MKI67: variants seen among roughly 807,000 people sequenced by gnomAD.
The protein encoded by MKI67 is marker of proliferation Ki-67.
In MKI67, 152 loss-of-function variants were observed where a neutral mutation model predicts 233.5. The observed-to-expected ratio is 0.65, with a 90% confidence interval of 0.57 to 0.74. MKI67 has a LOEUF of 0.74. MKI67 is among the 30% of genes least tolerant of loss of function. MKI67 has a pLI of 0.00. For synonymous variants in MKI67, 1,465 were observed against 1,418.5 expected, an observed-to-expected ratio of 1.03 and a Z score of -0.74; for missense variants, 3,940 against 3,885.2, an observed-to-expected ratio of 1.01 and a Z score of -0.37.
intron 4 of MKI67, among the ~76,000 whole-genome samples, chr10:128,121,561 A>G (rs2782862): frequency 0.24 from 29,085 of 122,398 alleles, 3,476 homozygotes; most frequent in Admixed American, 0.32. Context: ...ATGATTATAT[A>G]TAATATATTA....
rs770959543 is a variant in MKI67 at position 128,105,859 on chromosome 10, C to G, written c.5981G>C (p.Ser1994Thr). The G allele has an allele frequency of 1.9e-6, 3 of 1,613,860 alleles. No homozygotes were observed. The highest frequency in any genetic ancestry group is 1.7e-5 in the Admixed American group (1 of 59,974). Reference sequence around the variant, plus strand: ...GGATATCTTGAGTCGTTGCTTGGAGCTTGTTGGGGTTTTGACTGGGTCTGG... The same window carrying G: ...GGATATCTTGAGTCGTTGCTTGGAGGTTGTTGGGGTTTTGACTGGGTCTGG... ...PQPDPVKTPT[S>T]SKQRLKISLG... Residue 1994 changes from serine to threonine, a missense_variant, in exon 13 of 15, where the codon AGC becomes ACC. Physicochemically the swap from Ser to Thr is moderately conservative, Grantham distance 58. Transcript: ENST00000368654.
intron 4 of MKI67, among the ~76,000 whole-genome samples, chr10:128,122,312 C>T (rs1378540219): frequency 6.6e-6 from 1 of 152,110 alleles, no homozygotes; most frequent in East Asian, 1.9e-4. Context: ...CACGTGTTCC[C>T]TAATCTCCAC....
chr10:128,109,026 T>G lies in MKI67; in HGVS notation c.2814A>C (p.Leu938Phe). 1 of 1,614,220 alleles carries G rather than the reference T, an allele frequency of 6.2e-7. No individual in the cohort carries two copies. Residue 938 changes from leucine to phenylalanine, a missense_variant, in exon 13 of 15, where the codon TTA becomes TTC. Transcript: ENST00000368654. ...CTTTCATCTTTTCATCGTTTTCTTT[T>G]AATTCAATATTTTCCTTATATGTCT... ...PFETYKENIE[L>F]KENDEKMKAM... is the part of the protein sequence containing the mutation.
At position 128,108,266 on chromosome 10, in the gene MKI67, C is replaced by T; in HGVS notation, c.3574G>A (p.Gly1192Arg). 6.2e-7 allele frequency: 1 copy of T among 1,613,766 alleles called. No individual in the cohort carries two copies. The highest frequency in any genetic ancestry group is 8.5e-7 in the Non-Finnish European group (1 of 1,179,960). The change falls in exon 13 of 15, where the codon GGA (glycine) becomes AGA (arginine). Residue 1192 changes from glycine (G) to arginine (R), a missense_variant. Physicochemically the swap from Gly to Arg is moderately radical, Grantham distance 125. Coordinates refer to ENST00000368654, the MANE Select transcript of MKI67 (RefSeq NM_002417.5). ...GDEKDIKAFM[G>R]TPVQKLDLAG... Reference sequence around the variant, plus strand: ...AGGTCCAGTTTCTGCACTGGAGTTCCCATAAATGCTTTAATGTCTTTCTCA... The same window carrying T: ...AGGTCCAGTTTCTGCACTGGAGTTCTCATAAATGCTTTAATGTCTTTCTCA...
rs1314120871 is a variant in MKI67, at chr10:128,108,872, C to T, written c.2968G>A (p.Asp990Asn). 1 of 1,614,156 alleles carries T rather than the reference C, an allele frequency of 6.2e-7. No homozygotes were observed. The highest frequency in any genetic ancestry group is 8.5e-7 in the Non-Finnish European group (1 of 1,180,046). ...TCACTCTTTGGTGCCTTGGCATGAT[C>T]TTGGGTTTGGAGGAGATTCTGGCCA... ...ARGQNLLQTQDHAKAPKSEKG... is the reference protein window; with the variant it reads ...ARGQNLLQTQNHAKAPKSEKG... The change falls in exon 13 of 15, where the codon GAT becomes AAT. Residue 990 changes from aspartate (D) to asparagine (N), a missense_variant. Physicochemically the swap from Asp to Asn is conservative, Grantham distance 23. Transcript: ENST00000368654.
chr10:128,121,539 T>TA (rs1852945998), intron 4 of MKI67, among the ~76,000 whole-genome samples: 2 of 80,766 alleles, frequency 2.5e-5, no homozygotes, highest in African/African-American at 9.7e-5. Flanking sequence ...ATATATTATA[T>TA]TATAATTATA....
Position 128,109,064 on chromosome 10 carries a change from C to T in MKI67, c.2776G>A (p.Glu926Lys). 6.2e-7 allele frequency: 1 copy of T among 1,614,160 alleles called. No individual in the cohort carries two copies. Among genetic ancestry groups the T allele is most frequent in the Non-Finnish European group, 8.5e-7 (1 of 1,180,016 alleles). ...TCCTTATATGTCTCAAAAGGTCTTT[C>T]TATTTCCTTCATCTCTCCTTCTCTC... Reference protein sequence around the residue: ...QRREGEMKEIERPFETYKENI... With the variant: ...QRREGEMKEIKRPFETYKENI... Residue 926 changes from glutamate (E) to lysine (K), a missense_variant, in exon 13 of 15, where the codon GAA becomes AAA. Glu to Lys is a moderately conservative substitution (Grantham distance 56, BLOSUM62 1). Transcript: ENST00000368654.
In MKI67 at chr10:128,109,218, C is replaced by A; in HGVS notation, c.2622G>T (p.Arg874Ser). ...EPSKTVSTAN[R>S]SGRSTEFRNI... is the part of the protein sequence containing the mutation. ...TCCTGAACTCTGTAGACCTTCCTGA[C>A]CTGTTTGCAGTGGATACTGTTTTTG... The change falls in exon 13 of 15, where the codon AGG (arginine) becomes AGT (serine). Residue 874 changes from arginine (R) to serine (S), a missense_variant. Arg to Ser is a moderately radical substitution (Grantham distance 110). Coordinates refer to ENST00000368654, the MANE Select transcript of MKI67 (RefSeq NM_002417.5). The A allele has an allele frequency of 6.2e-7, 1 of 1,614,156 alleles. No homozygotes were observed. The highest frequency in any genetic ancestry group is 8.5e-7 in the Non-Finnish European group (1 of 1,180,028).
Position 128,115,421 on chromosome 10 carries a change from G to A in MKI67, c.987C>T (p.Pro329=). 1 of 1,614,046 alleles carries A rather than the reference G, an allele frequency of 6.2e-7. No individual in the cohort carries two copies. The change falls in exon 7 of 15, where the codon CCC becomes CCT. Residue 329 remains proline (P), a synonymous_variant. Transcript: ENST00000368654. ...GAAAGCTGGCGCCCACAGCCTTGCT[G>A]GGAGTCTGAACAGACTCCACGTCTC... ...KGRDVESVQT[P]SKAVGASFPL...
chr10:128,113,763 T>A (rs1406314080), intron 7 of MKI67, among the ~76,000 whole-genome samples, 161 bp from the exon 8 acceptor site: 2 of 152,226 alleles, frequency 1.3e-5, no homozygotes, highest in African/African-American at 4.8e-5. Flanking sequence ...GCTAAGCTAC[T>A]AAGAGTTCCT....
chr10:128,118,691 C>T (rs1471360475), intron 5 of MKI67, among the ~76,000 whole-genome samples: 3 of 152,146 alleles, frequency 2.0e-5, no homozygotes, highest in East Asian at 1.9e-4. Context: ...AAGCACGTGT[C>T]GACAATTATG....
Position 128,103,884 on chromosome 10 carries a change from CT to C in MKI67, c.7955del (p.Lys2652ArgfsTer6). On this transcript the variant is annotated frameshift_variant, in exon 13 of 15. Coordinates refer to ENST00000368654, the MANE Select transcript of MKI67 (RefSeq NM_002417.5). LOFTEE classifies it high-confidence loss of function. ...GTTCCTCTTCTACTGGGTTTGGTTT[CT>C]TCTTTGCACGTTGCTTCAATACTTT... ...GIKVLKQRAK[K>X]KPNPVEEEPS... The C allele has an allele frequency of 1.9e-6, 3 of 1,613,876 alleles. No individual in the cohort carries two copies. The highest frequency in any genetic ancestry group is 2.5e-6 in the Non-Finnish European group (3 of 1,179,978).
chr10:128,123,581 T>G (rs1339350745), intron 2 of MKI67, among the ~76,000 whole-genome samples: 1 of 152,232 alleles, frequency 6.6e-6, no homozygotes, highest in East Asian at 1.9e-4. Context: ...TGTGCTTATT[T>G]GATGCTAGCA....
In MKI67 at chr10:128,107,777, T is replaced by C; in HGVS notation, c.4063A>G (p.Thr1355Ala). 1 of 1,613,900 alleles carries C rather than the reference T, an allele frequency of 6.2e-7. No homozygotes were observed. The change falls in exon 13 of 15, where the codon ACC becomes GCC. Residue 1355 changes from threonine to alanine, a missense_variant. Physicochemically the swap from Thr to Ala is moderately conservative, Grantham distance 58. Transcript: ENST00000368654. ...ACTGCTTCTTCAGTATGACCAGGGG[T>C]CTGGAAGAGCTCTTTAAAGCCAGTC... ...DLTGFKELFQTPGHTEEAVAA... is the reference protein window; with the variant it reads ...DLTGFKELFQAPGHTEEAVAA...
Position 128,114,789 on chromosome 10 carries a change from G to A in MKI67, c.1480+139C>T, listed in dbSNP as rs1213248437. The A allele has an allele frequency of 3.8e-5, 30 of 783,724 alleles. 1 individual carries two copies. Among genetic ancestry groups the A allele is most frequent in the South Asian group, 3.0e-4 (14 of 45,994 alleles). 48.5% of individuals were successfully genotyped at this position (783,724 alleles called of 1,614,324 possible). A position where few individuals can be genotyped will look rare whatever the true frequency, so the allele number is the denominator to read the frequency against. ...TCATCTATTAGCGAAAACAGCGTGC[G>A]TGTCTGTCTTATCCCTGTGCCTTAT... On this transcript the variant is annotated intron_variant, in intron 7 of 14. Coordinates refer to ENST00000368654, the MANE Select transcript of MKI67 (RefSeq NM_002417.5).
chr10:128,116,418 C>T, intron 6 of MKI67, 73 bp downstream of exon 6: 2 of 1,342,280 alleles, frequency 1.5e-6, no homozygotes, highest in South Asian at 1.2e-5. Context: ...TTCTTGTTGC[C>T]CCTTCTTTGC....
intron 3 of MKI67, 26 bp from the exon 4 acceptor site, chr10:128,123,022 T>C (rs1852984029): frequency 1.3e-6 from 2 of 1,570,276 alleles, no homozygotes; most frequent in Non-Finnish European, 8.8e-7. Flanking sequence ...AGGGGAAATA[T>C]GTAACTAATG....
Position 128,104,504 on chromosome 10 carries a change from T to A in MKI67, c.7336A>T (p.Thr2446Ser), listed in dbSNP as rs1204890980. Residue 2446 changes from threonine to serine, a missense_variant, in exon 13 of 15, where the codon ACA becomes TCA. Transcript: ENST00000368654. ...ATTGATTCCTCAGTGTGACCTGGTG[T>A]CTGGAAGAGTTCTTTGAAGCCAACC... ...DLVGFKELFQ[T>S]PGHTEESMTD... 1.9e-6 allele frequency: 3 copies of A among 1,613,936 alleles called. No homozygotes were observed. Among genetic ancestry groups the A allele is most frequent in the Non-Finnish European group, 2.5e-6 (3 of 1,180,012 alleles).
At position 128,106,310 on chromosome 10, in the gene MKI67, T is replaced by A; in HGVS notation, c.5530A>T (p.Thr1844Ser). The A allele has an allele frequency of 6.2e-7, 1 of 1,613,454 alleles. No homozygotes were observed. The highest frequency in any genetic ancestry group is 8.5e-7 in the Non-Finnish European group (1 of 1,179,930). The change falls in exon 13 of 15, where the codon ACT (threonine) becomes TCT (serine). Residue 1844 changes from threonine to serine, a missense_variant. By Grantham distance (58) the Thr-to-Ser change is moderately conservative (BLOSUM62 1). Coordinates refer to ENST00000368654, the MANE Select transcript of MKI67 (RefSeq NM_002417.5). ...GFRELFQTPC[T>S]DNPTTDEKTT... Reference sequence around the variant, plus strand: ...TTCTCATCAGTCGTGGGGTTATCAGTGCATGGTGTCTGGAAAAGCTCTCTG... The same window carrying A: ...TTCTCATCAGTCGTGGGGTTATCAGAGCATGGTGTCTGGAAAAGCTCTCTG...
Sources: gnomAD v4.1 joint callset for allele counts (sites outside exome capture counted in the v4.1 genomes callset) on GRCh38, gnomAD v4.1.1 for gene constraint, MANE v1.5 for transcripts, NCBI Gene and HGNC (gene_info 2026-07-23, HGNC 2026-07-21) for gene names.